The following FAF1 variants were observed in gnomAD, a reference collection of about 807,000 sequenced individuals.
FAF1 encodes FAS-associated factor 1.
FAF1 carries 25 observed loss-of-function variants against 92.5 expected under a neutral mutation model. That is an observed-to-expected ratio of 0.27 (90% CI 0.20 to 0.38). The LOEUF (loss-of-function observed/expected upper bound fraction) is 0.38. FAF1 is among the 10% of genes least tolerant of loss of function. The pLI is 1.00. For synonymous variants in FAF1, 234 were observed against 273.2 expected (o/e 0.86, Z 1.42); for missense variants, 636 against 793.3 (o/e 0.80, Z 2.38).
chr1:50,673,964 T>C (rs1373841070), intron 7 of FAF1, among the ~76,000 whole-genome samples: 1 of 152,060 alleles, frequency 6.6e-6, no homozygotes, highest in East Asian at 1.9e-4. Context: ...GGCTTTTTTT[T>C]TTTTGACATG....
At chr1:50,446,774 A>C (rs1366707018) in intron 18 of FAF1, among the ~76,000 whole-genome samples, 1 of 152,176 alleles carries the variant, frequency 6.6e-6, no homozygotes, top group African/African-American at 2.4e-5. Flanking sequence ...CTTTTAGAAA[A>C]AATGCTAGGT....
chr1:50,566,418 T>A (rs144736404), intron 13 of FAF1, among the ~76,000 whole-genome samples: 133 of 152,226 alleles, frequency 8.7e-4, no homozygotes, highest in African/African-American at 3.1e-3. Flanking sequence ...TACGGCCACA[T>A]GTGTAATTAA....
intron 7 of FAF1, among the ~76,000 whole-genome samples, chr1:50,674,143 G>C (rs918092753): frequency 5.9e-5 from 9 of 152,116 alleles, no homozygotes; most frequent in African/African-American, 1.9e-4. Flanking sequence ...AGTAGAGACG[G>C]GGTTTCACCA....
chr1:50,523,671 C>A (rs1219417092), intron 15 of FAF1, among the ~76,000 whole-genome samples: 1 of 151,912 alleles, frequency 6.6e-6, no homozygotes, highest in Non-Finnish European at 1.5e-5. Context: ...GATATTAAAC[C>A]CTTATCAGAT....
chr1:50,477,683 A>G (rs1305134577), intron 17 of FAF1, among the ~76,000 whole-genome samples: 5 of 152,190 alleles, frequency 3.3e-5, no homozygotes, highest in African/African-American at 1.2e-4. Context: ...ATGCTAGTTG[A>G]TATGTCAATT....
intron 18 of FAF1, among the ~76,000 whole-genome samples, chr1:50,465,600 A>G (rs1646484372): frequency 6.6e-6 from 1 of 152,216 alleles, no homozygotes; most frequent in Non-Finnish European, 1.5e-5. Flanking sequence ...GTAAACAACT[A>G]TATACCTATT....
chr1:50,810,558 T>C lies in FAF1; in HGVS notation c.115-8881A>G, dbSNP rs1407568702. ...CCCTCTCTCACTACTCTATTCAACA[T>C]GGCACTGGAAGTCCTATCCAGAGCA... On this transcript the variant is annotated intron_variant, in intron 2 of 18. Transcript: ENST00000396153. Among the ~76,000 whole-genome samples the C allele has an allele frequency of 3.3e-5, 5 of 152,264 alleles. No individual in the cohort carries two copies. In the South Asian group the frequency reaches 6.2e-4, roughly 19 times the overall value.
intron 6 of FAF1, chr1:50,706,166 A>G (rs149561720): frequency 1.6e-5 from 5 of 319,950 alleles, no homozygotes; most frequent in African/African-American, 1.0e-4. Flanking sequence ...AGGCTAATTC[A>G]TAATATCTGC....
chr1:50,447,443 A>G (rs1300716061), intron 18 of FAF1, among the ~76,000 whole-genome samples: 2 of 152,182 alleles, frequency 1.3e-5, no homozygotes, highest in African/African-American at 4.8e-5. Context: ...CTTTTAAAAT[A>G]AAATTTGCAT....
chr1:50,731,162 G>T (rs1322223734), intron 6 of FAF1, among the ~76,000 whole-genome samples: 2 of 152,112 alleles, frequency 1.3e-5, no homozygotes, highest in East Asian at 3.9e-4. Context: ...CAAGTTTCCT[G>T]TGTGAGGGAC....
intron 15 of FAF1, among the ~76,000 whole-genome samples, chr1:50,530,774 C>T (rs1309842197): frequency 1.3e-5 from 2 of 151,976 alleles, no homozygotes; most frequent in Admixed American, 1.3e-4. Flanking sequence ...CTACTGTGTA[C>T]CCAAAAAATG....
At chr1:50,685,638 C>G (rs1341296022) in intron 7 of FAF1, among the ~76,000 whole-genome samples, 1 of 152,132 alleles carries the variant, frequency 6.6e-6, no homozygotes, top group Non-Finnish European at 1.5e-5. Context: ...TGTTGCACAG[C>G]CAGGAGATGC....
intron 17 of FAF1, among the ~76,000 whole-genome samples, chr1:50,485,155 C>T (rs1646749542): frequency 6.6e-6 from 1 of 151,544 alleles, no homozygotes; most frequent in Non-Finnish European, 1.5e-5. Flanking sequence ...GAGATAGGGT[C>T]TTGCCATGTT....
chr1:50,700,959 T>A (rs1657449126), intron 7 of FAF1, among the ~76,000 whole-genome samples: 1 of 152,118 alleles, frequency 6.6e-6, no homozygotes, highest in African/African-American at 2.4e-5. Context: ...TCAATATTTA[T>A]AAAATGATCC....
At chr1:50,741,796 G>A (rs1379281949) in intron 5 of FAF1, among the ~76,000 whole-genome samples, 2 of 152,188 alleles carry the variant, frequency 1.3e-5, no homozygotes, top group East Asian at 3.8e-4. Context: ...TACTTCTTGG[G>A]GGAAGATTGG....
At chr1:50,907,544 C>T (rs910707078) in intron 1 of FAF1, among the ~76,000 whole-genome samples, 2 of 152,136 alleles carry the variant, frequency 1.3e-5, no homozygotes, top group Admixed American at 6.5e-5. Flanking sequence ...TTAATTATTG[C>T]CTCAATTTCA....
intron 18 of FAF1, among the ~76,000 whole-genome samples, chr1:50,459,496 T>C (rs1240269068): frequency 6.6e-6 from 1 of 152,192 alleles, no homozygotes; most frequent in African/African-American, 2.4e-5. Flanking sequence ...GATTTTTGCT[T>C]ATGGTACTAT....
chr1:50,650,146 TG>T (rs1654790613), intron 8 of FAF1, among the ~76,000 whole-genome samples: 2 of 150,552 alleles, frequency 1.3e-5, no homozygotes, highest in Non-Finnish European at 3.0e-5. Flanking sequence ...TAGCCGGGCG[TG>T]GTGGTGCATG....
At chr1:50,569,652 A>G (rs1650338441) in intron 12 of FAF1, among the ~76,000 whole-genome samples, 1 of 152,192 alleles carries the variant, frequency 6.6e-6, no homozygotes, top group Non-Finnish European at 1.5e-5. Flanking sequence ...TTAAATCAGC[A>G]TATTTCTAAC....
Sources: allele counts gnomAD v4.1 joint callset (sites outside exome capture counted in the v4.1 genomes callset), GRCh38; gene constraint gnomAD v4.1.1; transcripts MANE v1.5; gene names NCBI Gene and HGNC (gene_info 2026-07-23, HGNC 2026-07-21).